NHSL1: variants seen among roughly 807,000 people sequenced by gnomAD.
The protein encoded by NHSL1 is NHS-like protein 1.
A neutral mutation model predicts 95.0 loss-of-function variants in NHSL1; 48 were observed. The ratio of observed to expected loss-of-function variants is 0.51; its 90% CI spans 0.40 to 0.64. The LOEUF is 0.64. NHSL1 is among the 30% of genes least tolerant of loss of function. The pLI, the probability that NHSL1 is intolerant of heterozygous loss-of-function variation, is 0.00. For missense variants in NHSL1, 1,971 were observed against 2,077.7 expected (o/e 0.95, Z 1.00); for synonymous variants, 783 against 833.9 (o/e 0.94, Z 1.05).
intron 1 of NHSL1, among the ~76,000 whole-genome samples, chr6:138,540,179 A>G (rs1482479591): frequency 6.6e-6 from 1 of 152,246 alleles, no homozygotes; most frequent in Non-Finnish European, 1.5e-5. Flanking sequence ...TTTTAAATGA[A>G]AGGAGGAGGA....
intron 1 of NHSL1, among the ~76,000 whole-genome samples, chr6:138,634,231 A>G (rs1252189992): frequency 6.6e-6 from 1 of 151,966 alleles, no homozygotes; most frequent in African/African-American, 2.4e-5. Flanking sequence ...TGAAATGTAA[A>G]TGGACTAAAC....
chr6:138,489,757 G>C (rs1779919003), intron 2 of NHSL1, among the ~76,000 whole-genome samples: 1 of 107,172 alleles, frequency 9.3e-6, no homozygotes, highest in Non-Finnish European at 1.8e-5. Context: ...GCAAGACCCT[G>C]TCTCAAAAAA....
At chr6:138,446,753 G>T in intron 4 of NHSL1, 1 of 496,896 alleles carries the variant, frequency 2.0e-6, no homozygotes, top group Non-Finnish European at 3.6e-6. Context: ...CTCTTAAGAT[G>T]AATGGTTGGA....
At chr6:138,582,053 C>T (rs557006806) in intron 1 of NHSL1, among the ~76,000 whole-genome samples, 20 of 152,110 alleles carry the variant, frequency 1.3e-4, no homozygotes, top group Admixed American at 5.2e-4. Flanking sequence ...TACACCACCA[C>T]ACCTGGCTAA....
chr6:138,606,926 A>G (rs1196435108), intron 1 of NHSL1, among the ~76,000 whole-genome samples: 3 of 151,550 alleles, frequency 2.0e-5, no homozygotes, highest in Admixed American at 2.0e-4. Flanking sequence ...GATGGTCTCG[A>G]TCTCCTGACC....
intron 1 of NHSL1, among the ~76,000 whole-genome samples, chr6:138,653,040 T>C (rs1407796379): frequency 6.6e-6 from 1 of 152,254 alleles, no homozygotes; most frequent in East Asian, 1.9e-4. Context: ...GGATTTCCTC[T>C]GCATTCTCTT....
intron 1 of NHSL1, among the ~76,000 whole-genome samples, chr6:138,630,623 G>C (rs1583457943): frequency 6.6e-6 from 1 of 152,192 alleles, no homozygotes. Context: ...AACCTCAGGT[G>C]ATCGGCCCGT....
chr6:138,600,251 C>T (rs538596193), intron 1 of NHSL1, among the ~76,000 whole-genome samples: 9 of 152,130 alleles, frequency 5.9e-5, no homozygotes, highest in East Asian at 1.9e-4. Flanking sequence ...CTTTTCTTTT[C>T]GAGACCAGTT....
At chr6:138,671,599 C>T (rs1003896513) in intron 1 of NHSL1, among the ~76,000 whole-genome samples, 13 of 152,022 alleles carry the variant, frequency 8.6e-5, no homozygotes, top group African/African-American at 2.4e-4. Context: ...GAACCAGCCA[C>T]GGAGGAACAC....
intron 2 of NHSL1, among the ~76,000 whole-genome samples, chr6:138,492,327 CA>C (rs1360959927): frequency 1.3e-5 from 2 of 152,162 alleles, no homozygotes; most frequent in Admixed American, 1.3e-4. Flanking sequence ...TGCACACCTC[CA>C]TCACACTACT....
intron 1 of NHSL1, among the ~76,000 whole-genome samples, chr6:138,509,517 T>C (rs1411240435): frequency 1.3e-5 from 2 of 152,118 alleles, no homozygotes; most frequent in African/African-American, 4.8e-5. Context: ...AAGGAAGACT[T>C]CCTAATAAAG....
At chr6:138,675,700 A>AT (rs1391594988) in intron 1 of NHSL1, among the ~76,000 whole-genome samples, 2 of 151,750 alleles carry the variant, frequency 1.3e-5, no homozygotes, top group Non-Finnish European at 2.9e-5. Flanking sequence ...ACACCAGCTG[A>AT]TTTTTGTATT....
chr6:138,616,457 G>A (rs117345902), intron 1 of NHSL1, among the ~76,000 whole-genome samples: 4,289 of 152,206 alleles, frequency 0.028, 85 homozygotes, highest in Middle Eastern at 0.048. Flanking sequence ...AAACTCTTGG[G>A]ATGGTGGTAG....
intron 1 of NHSL1, among the ~76,000 whole-genome samples, chr6:138,657,814 C>CAAAAAAAAAAAAAAAAAAAAAA (rs1051789759): frequency 3.0e-5 from 1 of 33,034 alleles, no homozygotes; most frequent in Non-Finnish European, 6.2e-5. Context: ...GACTCCATCT[C>CAAAAAAAAAAAAAAAAAAAAAA]AAAAAAAAAA....
At chr6:138,519,231 T>C (rs1369396611) in intron 1 of NHSL1, among the ~76,000 whole-genome samples, 4 of 152,030 alleles carry the variant, frequency 2.6e-5, no homozygotes, top group Non-Finnish European at 1.5e-5. Flanking sequence ...ATAGTATTTT[T>C]TTCAAAGCAT....
chr6:138,618,569 T>C (rs1386281643), intron 1 of NHSL1, among the ~76,000 whole-genome samples: 1 of 152,190 alleles, frequency 6.6e-6, no homozygotes, highest in Non-Finnish European at 1.5e-5. Flanking sequence ...ATGTATGATA[T>C]CTTAGCAACA....
At chr6:138,579,929 T>C (rs1189943681) in intron 1 of NHSL1, among the ~76,000 whole-genome samples, 2 of 152,244 alleles carry the variant, frequency 1.3e-5, no homozygotes, top group East Asian at 1.9e-4. Flanking sequence ...TTTACTGTGC[T>C]ACTCCTACAT....
At chr6:138,539,193 G>A (rs561407235) in intron 1 of NHSL1, among the ~76,000 whole-genome samples, 19 of 152,192 alleles carry the variant, frequency 1.2e-4, no homozygotes, top group Admixed American at 5.2e-4. Context: ...TGCTACATAC[G>A]ATTTTATAAA....
At chr6:138,658,614 A>G (rs73774874) in intron 1 of NHSL1, among the ~76,000 whole-genome samples, 4,521 of 152,268 alleles carry the variant, frequency 0.03, 221 homozygotes, top group African/African-American at 0.1. Context: ...GGTTGTTTCC[A>G]TATCTTGGTA....
Sources: gnomAD v4.1 joint callset for allele counts (sites outside exome capture counted in the v4.1 genomes callset) on GRCh38, gnomAD v4.1.1 for gene constraint, MANE v1.5 for transcripts, NCBI Gene and HGNC (gene_info 2026-07-23, HGNC 2026-07-21) for gene names.